Variants in ASTN2 observed in about 807,000 individuals in gnomAD.
The protein encoded by ASTN2 is astrotactin-2.
Under a neutral mutation model 139.8 loss-of-function variants are expected in ASTN2, and 54 were observed. The observed-to-expected ratio is 0.39, with a 90% CI of 0.31 to 0.48. The LOEUF (loss-of-function observed/expected upper bound fraction) is 0.48. Ranked by LOEUF, ASTN2 falls within the 20% of genes least tolerant of loss-of-function variation. The pLI is 0.95. For missense variants in ASTN2, 1,565 were observed against 1,725.1 expected (o/e 0.91, Z 1.64); for synonymous variants, 756 against 719.5 (o/e 1.05, Z -0.81).
chr9:117,324,394 G>A lies in ASTN2; in HGVS notation c.443-32881C>T, dbSNP rs141675697. 7.3e-3 allele frequency among the ~76,000 whole-genome samples: 1,112 copies of A among 152,304 alleles called. 16 individuals carry two copies. Among genetic ancestry groups the A allele is most frequent in the African/African-American group, 0.025 (1,031 of 41,576 alleles). ...TTCTGCATGGCTGAAGTGACCTCAAGAAACTTACGATCATAGCAGAAGGGG... is the reference window on the plus strand; with the variant it reads ...TTCTGCATGGCTGAAGTGACCTCAAAAAACTTACGATCATAGCAGAAGGGG... On this transcript the variant is annotated intron_variant, in intron 1 of 22. Transcript: ENST00000313400.
intron 1 of ASTN2, among the ~76,000 whole-genome samples, chr9:117,296,972 G>A (rs768771622): frequency 5.9e-5 from 9 of 152,166 alleles, no homozygotes; most frequent in Non-Finnish European, 1.3e-4. Context: ...ATGCCTTTCA[G>A]CCTCCCGGAA....
chr9:116,896,624 T>G (rs1833885184), intron 10 of ASTN2, among the ~76,000 whole-genome samples: 1 of 152,166 alleles, frequency 6.6e-6, no homozygotes, highest in Non-Finnish European at 1.5e-5. Flanking sequence ...CCTCCTAGAC[T>G]GGGTAATTTA....
In ASTN2 at chr9:116,699,471, T is replaced by C; in HGVS notation, c.2806+26300A>G. On this transcript the variant is annotated intron_variant, in intron 16 of 22. Coordinates refer to ENST00000313400, the MANE Select transcript of ASTN2 (RefSeq NM_001365068.1). This position sits in a 1 kb window ranked among gnomAD's most constrained non-coding sequence, Gnocchi z 4.2. ...CTTCTCGGAGAATGAGGATTTCCGC[T>C]GCATTGCTGGCATGTGTGTGGATGC... 6.2e-7 allele frequency: 1 copy of C among 1,614,216 alleles called. No homozygotes were observed. The highest frequency in any genetic ancestry group is 8.5e-7 in the Non-Finnish European group (1 of 1,180,036).
chr9:117,006,723 C>G (rs1304226203), intron 7 of ASTN2, among the ~76,000 whole-genome samples: 1 of 152,142 alleles, frequency 6.6e-6, no homozygotes, highest in African/African-American at 2.4e-5. Context: ...ATACAAGGCC[C>G]TGAGGACCAC....
chr9:117,003,816 T>G (rs1029490090), intron 7 of ASTN2, among the ~76,000 whole-genome samples: 3 of 151,378 alleles, frequency 2.0e-5, no homozygotes, highest in African/African-American at 7.3e-5. Flanking sequence ...ACCAATAATC[T>G]TGCTTCCTTT....
At chr9:116,687,053 T>C in intron 16 of ASTN2, 2 of 1,315,068 alleles carry the variant, frequency 1.5e-6, no homozygotes, top group African/African-American at 1.5e-5. Context: ...TTCTGGCTTA[T>C]CTCCTGACTT....
At chr9:116,802,236 G>A (rs1393508606) in intron 13 of ASTN2, among the ~76,000 whole-genome samples, 9 of 151,744 alleles carry the variant, frequency 5.9e-5, no homozygotes, top group African/African-American at 1.5e-4. Context: ...ACAGGCAGCC[G>A]CCACCACGCC....
chr9:116,913,643 G>T (rs1325062844), intron 10 of ASTN2, among the ~76,000 whole-genome samples: 2 of 152,204 alleles, frequency 1.3e-5, no homozygotes, highest in Non-Finnish European at 2.9e-5. Flanking sequence ...ATTGTTCAAA[G>T]AATATACTCC....
chr9:116,699,365 G>A lies in ASTN2; in HGVS notation c.2806+26406C>T, dbSNP rs201083322. ...TAGGCCTCAATCTGGAGAATCGGCA[G>A]AATGAGCACCACCTGGAGGGTGGCT... On this transcript the variant is annotated intron_variant, in intron 16 of 22. Coordinates refer to ENST00000313400, the MANE Select transcript of ASTN2 (RefSeq NM_001365068.1). This position sits in a 1 kb window ranked among gnomAD's most constrained non-coding sequence, Gnocchi z 4.2. 166 of 1,614,096 alleles carry A rather than the reference G, an allele frequency of 1.0e-4. No homozygotes were observed. Among genetic ancestry groups the A allele is most frequent in the Non-Finnish European group, 1.3e-4 (158 of 1,180,046 alleles).
intron 4 of ASTN2, among the ~76,000 whole-genome samples, chr9:117,119,986 T>TTGTGTGTG (rs1321670412): frequency 2.5e-5 from 2 of 79,916 alleles, no homozygotes; most frequent in African/African-American, 5.0e-5. Flanking sequence ...CTCTATATAT[T>TTGTGTGTG]TGTATGTGTG....
At chr9:116,948,801 T>G (rs1355384522) in intron 10 of ASTN2, among the ~76,000 whole-genome samples, 6 of 129,820 alleles carry the variant, frequency 4.6e-5, no homozygotes, top group Non-Finnish European at 9.7e-5. Flanking sequence ...TTTTTTTTTT[T>G]TTTTTTTTTG....
intron 5 of ASTN2, among the ~76,000 whole-genome samples, chr9:117,051,907 C>T (rs1196489574): frequency 6.6e-6 from 1 of 152,094 alleles, no homozygotes; most frequent in Non-Finnish European, 1.5e-5. Context: ...CTACCTTAAC[C>T]AATACCTCCT....
intron 12 of ASTN2, among the ~76,000 whole-genome samples, chr9:116,817,998 C>A (rs562480406): frequency 6.6e-6 from 1 of 152,178 alleles, no homozygotes; most frequent in East Asian, 1.9e-4. Flanking sequence ...ATCTCAACAA[C>A]CTCACTTACC....
At chr9:116,558,659 C>A (rs1035006368) in intron 19 of ASTN2, among the ~76,000 whole-genome samples, 1 of 152,126 alleles carries the variant, frequency 6.6e-6, no homozygotes, top group African/African-American at 2.4e-5. Context: ...TTGCTTTTGT[C>A]AAGCCACGGG....
chr9:117,017,260 T>G (rs1249497389), intron 6 of ASTN2, among the ~76,000 whole-genome samples: 1 of 152,174 alleles, frequency 6.6e-6, no homozygotes, highest in African/African-American at 2.4e-5. Flanking sequence ...TCTTTCTTTA[T>G]TTTTTGAACT....
intron 2 of ASTN2, among the ~76,000 whole-genome samples, chr9:117,282,214 A>T (rs1212169513): frequency 6.6e-6 from 1 of 152,114 alleles, no homozygotes; most frequent in Non-Finnish European, 1.5e-5. Flanking sequence ...ATTTCAACGT[A>T]CCTAGTATAG....
chr9:116,884,736 C>G (rs1418746443), intron 10 of ASTN2, among the ~76,000 whole-genome samples: 1 of 151,446 alleles, frequency 6.6e-6, no homozygotes, highest in Non-Finnish European at 1.5e-5. Flanking sequence ...GTAGACACAT[C>G]ACTCTGATCT....
At position 117,057,613 on chromosome 9, in the gene ASTN2, T is replaced by C. The variant is rs563357469; in HGVS notation, c.1277-17648A>G. ...GAAGATGTGTGTAAGTGTATAAGAATTGAGATCAGGATGTAGCTGTGCTTA... is the reference window on the plus strand; with the variant it reads ...GAAGATGTGTGTAAGTGTATAAGAACTGAGATCAGGATGTAGCTGTGCTTA... On this transcript the variant is annotated intron_variant, in intron 5 of 22. Coordinates refer to ENST00000313400, the MANE Select transcript of ASTN2 (RefSeq NM_001365068.1). 9.5e-4 allele frequency among the ~76,000 whole-genome samples: 145 copies of C among 152,308 alleles called. 1 individual carries two copies. The highest frequency in any genetic ancestry group is 3.2e-3 in the African/African-American group (134 of 41,564).
Position 116,854,899 on chromosome 9 carries a change from A to G in ASTN2, c.2040+8684T>C, listed in dbSNP as rs547559507. 2.9e-4 allele frequency among the ~76,000 whole-genome samples: 44 copies of G among 151,570 alleles called. No individual in the cohort carries two copies. In the South Asian group the frequency reaches 5.9e-3, roughly 20 times the overall value. On this transcript the variant is annotated intron_variant, in intron 11 of 22. Transcript: ENST00000313400. ...GAACTCCTGACCTTGTGATCCGCCT[A>G]CCTCGGCCTCCCAAAGTGCTAGGAT...
Sources: allele counts gnomAD v4.1 joint callset (sites outside exome capture counted in the v4.1 genomes callset), GRCh38; gene constraint gnomAD v4.1.1; non-coding constraint Gnocchi (gnomAD v3.1); transcripts MANE v1.5; gene names NCBI Gene and HGNC (gene_info 2026-07-23, HGNC 2026-07-21).